Variants in NAV2 observed in about 807,000 individuals in gnomAD.
NAV2 encodes the protein helicase, APC down-regulated 1.
NAV2 carries 54 observed loss-of-function variants against 223.2 expected under a neutral mutation model. The observed-to-expected ratio is 0.24, with a 90% CI of 0.19 to 0.30. The LOEUF (loss-of-function observed/expected upper bound fraction) is 0.30, where lower values mean the gene tolerates loss of function less well. NAV2 is among the 10% of genes least tolerant of loss of function. NAV2 has a pLI of 1.00. For synonymous variants in NAV2, 1,279 were observed against 1,239.3 expected (o/e 1.03, Z -0.67); for missense variants, 2,806 against 3,147.5 (o/e 0.89, Z 2.60).
chr11:19,618,224 A>AGATG (rs985685701), intron 1 of NAV2, among the ~76,000 whole-genome samples: 44 of 149,492 alleles, frequency 2.9e-4, no homozygotes, highest in African/African-American at 1.0e-3. Context: ...ATGGATGGAT[A>AGATG]GATGGATGGA....
At chr11:19,622,861 G>T (rs866184161) in intron 1 of NAV2, among the ~76,000 whole-genome samples, 1 of 152,242 alleles carries the variant, frequency 6.6e-6, no homozygotes, top group African/African-American at 2.4e-5. Context: ...TCCTAGCATC[G>T]ATGGTCTTTA....
intron 6 of NAV2, among the ~76,000 whole-genome samples, chr11:19,925,689 A>G (rs1201390757): frequency 1.3e-5 from 2 of 151,660 alleles, no homozygotes; most frequent in Admixed American, 1.3e-4. Context: ...CGGAGGTTGC[A>G]GTGAGCTGAC....
rs554393284 is a variant in NAV2, at chr11:20,023,865, A to G, written c.2769-12094A>G. Among the ~76,000 whole-genome samples the G allele has an allele frequency of 7.9e-5, 12 of 152,284 alleles. No individual in the cohort carries two copies. In the South Asian group the frequency reaches 2.3e-3, roughly 29 times the overall value. Reference sequence around the variant, plus strand: ...AGCCAGACAAGGGGAGAAGAAAACAATGTTCATGACCACCTACCACATGCC... The same window carrying G: ...AGCCAGACAAGGGGAGAAGAAAACAGTGTTCATGACCACCTACCACATGCC... On this transcript the variant is annotated intron_variant, in intron 11 of 37. Coordinates refer to ENST00000349880, the MANE Select transcript of NAV2 (RefSeq NM_145117.5).
intron 1 of NAV2, among the ~76,000 whole-genome samples, chr11:19,743,143 T>C (rs926268399): frequency 6.6e-6 from 1 of 152,206 alleles, no homozygotes; most frequent in African/African-American, 2.4e-5. Context: ...TGTGAACTTG[T>C]TTCTTATCTA....
intron 26 of NAV2, among the ~76,000 whole-genome samples, chr11:20,084,728 G>T (rs1041528837): frequency 1.3e-5 from 2 of 152,258 alleles, no homozygotes; most frequent in African/African-American, 4.8e-5. Flanking sequence ...AGAACCAGTT[G>T]CCTGTGACTC....
intron 16 of NAV2, among the ~76,000 whole-genome samples, chr11:20,050,354 G>T (rs1391409655): frequency 1.3e-5 from 2 of 152,044 alleles, no homozygotes; most frequent in East Asian, 3.9e-4. Context: ...ATCCTTTGCT[G>T]AAGTTTGGCT....
Position 19,583,534 on chromosome 11 carries a change from T to A in NAV2, c.75+232507T>A, listed in dbSNP as rs181997066. Reference sequence around the variant, plus strand: ...TGGGTTTGTCATAGATAGCTCTTATTATTTTGAGACATGTCCCATCAATAC... The same window carrying A: ...TGGGTTTGTCATAGATAGCTCTTATAATTTTGAGACATGTCCCATCAATAC... On this transcript the variant is annotated intron_variant, in intron 1 of 37. Coordinates refer to the NAV2 transcript ENST00000360655. Among the ~76,000 whole-genome samples the A allele has an allele frequency of 3.6e-3, 552 of 152,354 alleles. 1 individual carries two copies. The highest frequency in any genetic ancestry group is 0.013 in the African/African-American group (521 of 41,580).
chr11:19,609,059 C>T (rs185258267), intron 1 of NAV2, among the ~76,000 whole-genome samples: 1 of 152,292 alleles, frequency 6.6e-6, no homozygotes, highest in Admixed American at 6.5e-5. Flanking sequence ...AGATCATCTC[C>T]CTATTTTAAG....
chr11:19,650,072 T>G lies in NAV2; in HGVS notation c.76-182412T>G, dbSNP rs569957446. Among the ~76,000 whole-genome samples the G allele has an allele frequency of 1.6e-4, 25 of 152,350 alleles. No individual in the cohort carries two copies. In the South Asian group the frequency reaches 5.0e-3, roughly 30 times the overall value. Reference sequence around the variant, plus strand: ...ACTTACCATATGTTATGGGTTGACTTGTCTTCCCCAAAAAAGATATATTGA... The same window carrying G: ...ACTTACCATATGTTATGGGTTGACTGGTCTTCCCCAAAAAAGATATATTGA... On this transcript the variant is annotated intron_variant, in intron 1 of 37. Coordinates refer to the NAV2 transcript ENST00000360655.
chr11:20,059,589 C>T (rs72909656), intron 19 of NAV2, among the ~76,000 whole-genome samples: 2,321 of 152,016 alleles, frequency 0.015, 28 homozygotes, highest in Non-Finnish European at 0.024. Context: ...TAAAAAAAAA[C>T]AAACAAATGA....
At chr11:19,475,230 A>G (rs1025941281) in intron 1 of NAV2, among the ~76,000 whole-genome samples, 6 of 152,224 alleles carry the variant, frequency 3.9e-5, no homozygotes, top group Non-Finnish European at 5.9e-5. Flanking sequence ...GCTGCTGGGC[A>G]TGTTTTGTGT....
rs150908949 is a variant in NAV2, at chr11:19,949,036, G to A, written c.2601G>A (p.Gly867=). 1.9e-6 allele frequency: 3 copies of A among 1,613,414 alleles called. No individual in the cohort carries two copies. Among genetic ancestry groups the A allele is most frequent in the Non-Finnish European group, 2.5e-6 (3 of 1,179,646 alleles). The part of the protein sequence containing the change: ...SMDAPGYMSD[G]DVLSKNIRTD... ...ATGCCCCCGGCTACATGAGCGACGG[G>A]GATGTTCTGAGCAAGAACATCCGGA... is the stretch of plus-strand genomic sequence containing the variant. The change falls in exon 10 of 38, where the codon GGG becomes GGA. Residue 867 remains glycine (G), a synonymous_variant. Transcript: ENST00000349880.
intron 1 of NAV2, among the ~76,000 whole-genome samples, chr11:19,371,678 A>G (rs987480239): frequency 1.3e-5 from 2 of 152,028 alleles, no homozygotes; most frequent in African/African-American, 4.8e-5. Flanking sequence ...AAGCCATCCA[A>G]CTCCAAAATT....
intron 1 of NAV2, among the ~76,000 whole-genome samples, chr11:19,754,958 T>C (rs767851639): frequency 6.6e-5 from 10 of 152,162 alleles, no homozygotes; most frequent in Non-Finnish European, 1.2e-4. Flanking sequence ...GAACTCTGCA[T>C]TCCTCACCCT....
At chr11:19,387,696 G>C (rs1224450622) in intron 1 of NAV2, among the ~76,000 whole-genome samples, 3 of 152,198 alleles carry the variant, frequency 2.0e-5, no homozygotes, top group African/African-American at 7.2e-5. Context: ...TTTAATGCCA[G>C]TGAAGATGGT....
chr11:20,015,247 C>T lies in NAV2; in HGVS notation c.2769-20712C>T, dbSNP rs77772616. 3.9e-3 allele frequency among the ~76,000 whole-genome samples: 588 copies of T among 152,254 alleles called. 1 individual carries two copies. The highest frequency in any genetic ancestry group is 0.014 in the African/African-American group (571 of 41,548). On this transcript the variant is annotated intron_variant, in intron 11 of 37. Transcript: ENST00000349880. ...TCATACTGTTCCCTGAAATACGTGTCGAGCATTGCCATCTGCTGCTACTCC... is the reference window on the plus strand; with the variant it reads ...TCATACTGTTCCCTGAAATACGTGTTGAGCATTGCCATCTGCTGCTACTCC...
chr11:19,520,203 C>CT lies in NAV2; in HGVS notation c.75+169180dup, dbSNP rs538387142. 1.6e-3 allele frequency among the ~76,000 whole-genome samples: 242 copies of CT among 152,352 alleles called. 2 individuals carry two copies. Among genetic ancestry groups the CT allele is most frequent in the Admixed American group, 4.4e-3 (67 of 15,304 alleles). ...TGGAAGGATATGGCTGCCTCTAATC[C>CT]TTTTATTGCGATGCACTCATAAACA... is the stretch of plus-strand genomic sequence containing the variant. On this transcript the variant is annotated intron_variant, in intron 1 of 37. Coordinates refer to the NAV2 transcript ENST00000360655.
intron 26 of NAV2, among the ~76,000 whole-genome samples, chr11:20,090,421 A>G (rs1159671144): frequency 6.6e-6 from 1 of 152,126 alleles, no homozygotes; most frequent in Admixed American, 6.5e-5. Flanking sequence ...TCTGATTGCC[A>G]GAGCTCAGCA....
At chr11:19,852,647 A>G (rs2152981866) in intron 3 of NAV2, among the ~76,000 whole-genome samples, 1 of 152,348 alleles carries the variant, frequency 6.6e-6, no homozygotes, top group African/African-American at 2.4e-5. Flanking sequence ...CATTTAAGCA[A>G]ATGTTAGGAA....
Sources: gnomAD v4.1 joint callset for allele counts (sites outside exome capture counted in the v4.1 genomes callset) on GRCh38, gnomAD v4.1.1 for gene constraint, MANE v1.5 for transcripts, NCBI Gene and HGNC (gene_info 2026-07-23, HGNC 2026-07-21) for gene names.